IGFN1: variants seen among roughly 807,000 people sequenced by gnomAD.
IGFN1 encodes immunoglobulin-like and fibronectin type III domain-containing protein 1.
IGFN1 carries 253 observed loss-of-function variants against 289.5 expected under a neutral mutation model. The observed-to-expected ratio is 0.87, with a 90% CI of 0.79 to 0.97. The LOEUF (loss-of-function observed/expected upper bound fraction) is 0.97. Among genes scored for constraint, IGFN1 ranks in the 50% least tolerant of loss-of-function variants. IGFN1 has a pLI of 0.00. For missense variants in IGFN1, 4,470 were observed against 4,686.1 expected (o/e 0.95, Z 1.35); for synonymous variants, 1,706 against 1,788.5 (o/e 0.95, Z 1.16).
rs188128017 is a variant in IGFN1 at position 201,213,254 on chromosome 1, G to A, written c.8361G>A (p.Glu2787=). The change falls in exon 12 of 24, where the codon GAG becomes GAA. Residue 2787 remains glutamate, a synonymous_variant. Transcript: ENST00000335211. ...EQGSLEAENG[E]VQGPGALKED... ...GGTCCCTGGAGGCTGAGAATGGTGAGGTCCAGGGTCCTGGGGCCCTAAAGG... is the reference window on the plus strand; with the variant it reads ...GGTCCCTGGAGGCTGAGAATGGTGAAGTCCAGGGTCCTGGGGCCCTAAAGG... The A allele has an allele frequency of 5.2e-4, 804 of 1,552,268 alleles. 5 individuals carry two copies. The highest frequency in any genetic ancestry group is 2.4e-4 in the Non-Finnish European group (274 of 1,147,268).
Position 201,211,680 on chromosome 1 carries a change from G to A in IGFN1, c.6787G>A (p.Gly2263Ser), listed in dbSNP as rs1028273746. The A allele has an allele frequency of 1.3e-6, 2 of 1,537,002 alleles. No individual in the cohort carries two copies. Among genetic ancestry groups the A allele is most frequent in the Admixed American group, 3.9e-5 (2 of 50,982 alleles). ...GGGAGCTCCTGAGGAAATGGGTTCA[G>A]GCAGTTACACAGATTACAGGAATGG... Reference protein sequence around the residue: ...DLGAPEEMGSGSYTDYRNGLG... With the variant: ...DLGAPEEMGSSSYTDYRNGLG... Residue 2263 changes from glycine to serine, a missense_variant, in exon 12 of 24, where the codon GGC (glycine) becomes AGC (serine). Transcript: ENST00000335211.
chr1:201,209,476 C>T lies in IGFN1; in HGVS notation c.4583C>T (p.Ala1528Val), dbSNP rs529401732. ...GSGEMGSVDK[A>V]GYRKDLGASE... is the part of the protein sequence containing the mutation. Reference sequence around the variant, plus strand: ...GGGGAAATGGGGTCTGTGGATAAGGCAGGCTATAGGAAGGATTTGGGGGCT... The same window carrying T: ...GGGGAAATGGGGTCTGTGGATAAGGTAGGCTATAGGAAGGATTTGGGGGCT... Residue 1528 changes from alanine to valine, a missense_variant, in exon 12 of 24, where the codon GCA (alanine) becomes GTA (valine). Ala to Val is a moderately conservative substitution (Grantham distance 64). Transcript: ENST00000335211. 2.1e-5 allele frequency: 33 copies of T among 1,536,514 alleles called. No homozygotes were observed. Among genetic ancestry groups the T allele is most frequent in the Non-Finnish European group, 2.8e-5 (32 of 1,146,696 alleles).
intron 16 of IGFN1, among the ~76,000 whole-genome samples, chr1:201,216,966 G>T (rs1471230805): frequency 2.0e-5 from 3 of 152,126 alleles, no homozygotes; most frequent in Non-Finnish European, 2.9e-5. Flanking sequence ...AGGAGTGAGG[G>T]TGTGGGCCAG....
Position 201,210,801 on chromosome 1 carries a change from A to C in IGFN1, c.5908A>C (p.Lys1970Gln), listed in dbSNP as rs1383532346. The change falls in exon 12 of 24, where the codon AAG becomes CAG. Residue 1970 changes from lysine (K) to glutamine (Q), a missense_variant. By Grantham distance (53) the Lys-to-Gln change is moderately conservative. Coordinates refer to ENST00000335211, the MANE Select transcript of IGFN1 (RefSeq NM_001164586.2). Reference protein sequence around the residue: ...AGYRKDLGAPKGMGSGSKEGF... With the variant: ...AGYRKDLGAPQGMGSGSKEGF... Reference sequence around the variant, plus strand: ...TTATAGGAAGGATTTGGGGGCTCCTAAGGGAATGGGTTCAGGGAGTAAGGA... The same window carrying C: ...TTATAGGAAGGATTTGGGGGCTCCTCAGGGAATGGGTTCAGGGAGTAAGGA... 1.3e-6 allele frequency: 2 copies of C among 1,483,174 alleles called. No homozygotes were observed. The highest frequency in any genetic ancestry group is 1.8e-6 in the Non-Finnish European group (2 of 1,123,904). 91.9% of individuals were successfully genotyped at this position (1,483,174 alleles called of 1,614,324 possible).
At chr1:201,206,037 C>T (rs1368421848) in intron 11 of IGFN1, 46 bp from the exon 12 acceptor site, 1 of 1,308,382 alleles carries the variant, frequency 7.6e-7, no homozygotes, top group Non-Finnish European at 1.1e-6. Flanking sequence ...TCTCTTGTCT[C>T]TCCATGTGGG....
chr1:201,195,231 A>G (rs907020534), intron 3 of IGFN1, among the ~76,000 whole-genome samples: 10 of 151,678 alleles, frequency 6.6e-5, no homozygotes, highest in Non-Finnish European at 1.3e-4. Context: ...TGATCACTAC[A>G]ACATCTGCCT....
At chr1:201,218,448 C>T (rs1290492780) in intron 17 of IGFN1, 82 bp from the exon 18 acceptor site, 3 of 1,438,438 alleles carry the variant, frequency 2.1e-6, no homozygotes, top group South Asian at 1.3e-5. Context: ...GCTTGGTCTC[C>T]TTCAGAACTT....
intron 23 of IGFN1, 44 bp from the exon 24 acceptor site, chr1:201,228,342 G>A (rs775403866): frequency 1.9e-6 from 3 of 1,605,978 alleles, no homozygotes; most frequent in Admixed American, 3.3e-5. Flanking sequence ...GCAGGGTGGG[G>A]TGGCTGCCCC....
In IGFN1 at chr1:201,226,112, C is replaced by T; in HGVS notation, c.10775C>T (p.Pro3592Leu). The T allele has an allele frequency of 5.6e-6, 9 of 1,593,768 alleles. No homozygotes were observed. The highest frequency in any genetic ancestry group is 7.7e-6 in the Non-Finnish European group (9 of 1,168,088). Reference sequence around the variant, plus strand: ...GACACCAGCCAGCCCTGGTGCATCCCCCGGCAGCGCGGTAAGCAGCCCCTG... The same window carrying T: ...GACACCAGCCAGCCCTGGTGCATCCTCCGGCAGCGCGGTAAGCAGCCCCTG... ...PSDTSQPWCI[P>L]RQRDRFTVKA... Residue 3592 changes from proline to leucine, a missense_variant, in exon 22 of 24, where the codon CCC becomes CTC. Physicochemically the swap from Pro to Leu is moderately conservative, Grantham distance 98 (BLOSUM62 -3). This residue lies in a region of IGFN1 where 2,218 missense variants were observed against 2,114.1 expected (regional missense o/e 1.05). Coordinates refer to ENST00000335211, the MANE Select transcript of IGFN1 (RefSeq NM_001164586.2).
chr1:201,218,813 G>A (rs1380505754), intron 18 of IGFN1, among the ~76,000 whole-genome samples, 155 bp downstream of exon 18: 3 of 152,074 alleles, frequency 2.0e-5, no homozygotes, highest in East Asian at 1.9e-4. Context: ...AAGGCCTCTC[G>A]GGTGAGCCAC....
At chr1:201,222,000 G>C in intron 19 of IGFN1, 1 of 351,502 alleles carries the variant, frequency 2.8e-6, no homozygotes, top group Non-Finnish European at 5.1e-6. Context: ...GGAAACTGAG[G>C]TTCAAGGTAC....
chr1:201,205,272 G>A lies in IGFN1; in HGVS notation c.1107G>A (p.Val369=), dbSNP rs1290715324. The change falls in exon 11 of 24, where the codon GTG becomes GTA. Residue 369 remains valine, a synonymous_variant. Transcript: ENST00000335211. ...ACGGGCTGACCCACCGGCTGGTGGT[G>A]AGGGGGGCACGTTTCTCAGACATGG... is the stretch of plus-strand genomic sequence containing the variant. The part of the protein sequence containing the change: ...SPDGLTHRLV[V]RGARFSDMGP... The A allele has an allele frequency of 1.9e-6, 3 of 1,550,854 alleles. No individual in the cohort carries two copies. Among genetic ancestry groups the A allele is most frequent in the Non-Finnish European group, 2.6e-6 (3 of 1,146,976 alleles).
At chr1:201,214,488 A>C (rs1476484296) in intron 13 of IGFN1, among the ~76,000 whole-genome samples, 187 bp downstream of exon 13, 1 of 152,176 alleles carries the variant, frequency 6.6e-6, no homozygotes, top group African/African-American at 2.4e-5. Flanking sequence ...TTTTTAAATG[A>C]TGTGTATCCT....
Position 201,205,304 on chromosome 1 carries a change from A to AAAGAAGTATGGG in IGFN1, c.1139_1140insAAGAAGTATGGG (p.Tyr380delinsTer). Reference sequence around the variant, plus strand: ...GCACGTTTCTCAGACATGGGCCCCTATTCGCTGGGCACCGGGCTCTACACT... The same window carrying AAAGAAGTATGGG: ...GCACGTTTCTCAGACATGGGCCCCTAAAGAAGTATGGGTTCGCTGGGCACCGGGCTCTACACT... On this transcript the variant is annotated stop_gained, in exon 11 of 24. Coordinates refer to ENST00000335211, the MANE Select transcript of IGFN1 (RefSeq NM_001164586.2). LOFTEE classifies it high-confidence loss of function. The AAAGAAGTATGGG allele has an allele frequency of 6.5e-7, 1 of 1,547,158 alleles. No homozygotes were observed.
intron 1 of IGFN1, among the ~76,000 whole-genome samples, chr1:201,191,828 A>C (rs1025409866): frequency 6.6e-6 from 1 of 152,188 alleles, no homozygotes; most frequent in Non-Finnish European, 1.5e-5. Flanking sequence ...ATGTGTGACC[A>C]ATAGCTGAGT....
At position 201,209,378 on chromosome 1, in the gene IGFN1, T is replaced by C. The variant is rs1369659639; in HGVS notation, c.4485T>C (p.Tyr1495=). Residue 1495 remains tyrosine (Y), a synonymous_variant, in exon 12 of 24, where the codon TAT becomes TAC. Transcript: ENST00000335211. ...SGEMGLIEAG[Y]RKDLGVSEGG... is the part of the protein sequence containing the mutation. ...AAATGGGGTTAATTGAGGCAGGCTATAGGAAAGATTTGGGGGTTTCTGAGG... is the reference window on the plus strand; with the variant it reads ...AAATGGGGTTAATTGAGGCAGGCTACAGGAAAGATTTGGGGGTTTCTGAGG... The C allele has an allele frequency of 6.6e-7, 1 of 1,511,664 alleles. No individual in the cohort carries two copies. Among genetic ancestry groups the C allele is most frequent in the South Asian group, 1.3e-5 (1 of 79,054 alleles). The allele number at this position is 1,511,664 out of a possible 1,614,324, so 93.6% of individuals were successfully genotyped here. A position where few individuals can be genotyped will look rare whatever the true frequency, so the allele number is the denominator to read the frequency against.
In IGFN1 at chr1:201,226,214, A is replaced by T. The variant is rs1654089377; in HGVS notation, c.10786+91A>T. On this transcript the variant is annotated intron_variant, in intron 22 of 23. Coordinates refer to ENST00000335211, the MANE Select transcript of IGFN1 (RefSeq NM_001164586.2). ...CACCCAAGCATGGCAAGCGCGCAGGATAGGGACTGTGGCAGGGATGGCCTG... is the reference window on the plus strand; with the variant it reads ...CACCCAAGCATGGCAAGCGCGCAGGTTAGGGACTGTGGCAGGGATGGCCTG... 3.7e-6 allele frequency: 5 copies of T among 1,356,252 alleles called. No homozygotes were observed. The South Asian group carries it at 7.6e-5, about 21-fold the overall frequency. 84.0% of individuals were successfully genotyped at this position (1,356,252 alleles called of 1,614,324 possible).
In IGFN1 at chr1:201,206,074, T is replaced by A; in HGVS notation, c.1190-9T>A. 6.6e-7 allele frequency: 1 copy of A among 1,525,122 alleles called. No homozygotes were observed. The highest frequency in any genetic ancestry group is 8.9e-7 in the Non-Finnish European group (1 of 1,124,874). The allele number at this position is 1,525,122 out of a possible 1,614,324, so 94.5% of individuals were successfully genotyped here. Reference sequence around the variant, plus strand: ...ACTGACCTTCCATATGAATAACCCCTCACTGAAGCTGGGAAGGATAAAGAC... The same window carrying A: ...ACTGACCTTCCATATGAATAACCCCACACTGAAGCTGGGAAGGATAAAGAC... On this transcript the variant is annotated splice_polypyrimidine_tract_variant and intron_variant, in intron 11 of 23. Coordinates refer to ENST00000335211, the MANE Select transcript of IGFN1 (RefSeq NM_001164586.2).
chr1:201,208,944 G>A lies in IGFN1; in HGVS notation c.4051G>A (p.Glu1351Lys), dbSNP rs1667571769. The A allele has an allele frequency of 1.3e-6, 2 of 1,536,094 alleles. No individual in the cohort carries two copies. The highest frequency in any genetic ancestry group is 1.4e-5 in the African/African-American group (1 of 72,750). ...TAGGGGTGGTTTACAGGATTCCAGG[G>A]AAGCGGGTTCAGGGAGCAAGGCAGA... ...DYRGGLQDSR[E>K]AGSGSKADYS... Residue 1351 changes from glutamate (E) to lysine (K), a missense_variant, in exon 12 of 24, where the codon GAA (glutamate) becomes AAA (lysine). This residue lies in a region of IGFN1 where 2,011 missense variants were observed against 1,953.4 expected (regional missense o/e 1.03). Coordinates refer to ENST00000335211, the MANE Select transcript of IGFN1 (RefSeq NM_001164586.2).
Sources: allele counts gnomAD v4.1 joint callset (sites outside exome capture counted in the v4.1 genomes callset), GRCh38; gene constraint gnomAD v4.1.1; regional missense constraint gnomAD v4.1.1; transcripts MANE v1.5; gene names NCBI Gene and HGNC (gene_info 2026-07-23, HGNC 2026-07-21).